The following KIF6 variants were observed in gnomAD, a reference collection of about 807,000 sequenced individuals.
The protein encoded by KIF6 is kinesin-like protein KIF6.
KIF6 carries 106 observed loss-of-function variants against 112.7 expected under a neutral mutation model. The observed-to-expected ratio is 0.94, with a 90% CI of 0.80 to 1.11. The LOEUF is 1.11. KIF6 is among the 50% of genes least tolerant of loss of function. The probability of loss-of-function intolerance (pLI) is 0.00; values close to 1 mark genes in which losing one functional copy is unlikely to be tolerated. For missense variants in KIF6, 929 were observed against 964.0 expected (o/e 0.96, Z 0.48); for synonymous variants, 339 against 339.9 (o/e 1.00, Z 0.03).
At chr6:39,715,311 A>G (rs1191698400) in intron 2 of KIF6, among the ~76,000 whole-genome samples, 1 of 152,142 alleles carries the variant, frequency 6.6e-6, no homozygotes. Context: ...TTTGTTGACC[A>G]TGAGTCAAAA....
At chr6:39,403,226 G>T (rs1394039519) in intron 15 of KIF6, among the ~76,000 whole-genome samples, 1 of 152,042 alleles carries the variant, frequency 6.6e-6, no homozygotes, top group Non-Finnish European at 1.5e-5. Context: ...GCATGTGTGT[G>T]CATCATGGGT....
At chr6:39,417,898 C>T (rs1268917109) in intron 15 of KIF6, among the ~76,000 whole-genome samples, 1 of 152,146 alleles carries the variant, frequency 6.6e-6, no homozygotes, top group East Asian at 1.9e-4. Context: ...TATAAAAGGT[C>T]TTCTCTCTTA....
chr6:39,585,745 G>T (rs1781591889), intron 8 of KIF6, among the ~76,000 whole-genome samples: 1 of 152,202 alleles, frequency 6.6e-6, no homozygotes, highest in Admixed American at 6.5e-5. Context: ...TCTTGGCCTT[G>T]TTTCCTCTTC....
intron 13 of KIF6, among the ~76,000 whole-genome samples, chr6:39,483,952 T>C (rs1774961901): frequency 6.6e-6 from 1 of 152,210 alleles, no homozygotes; most frequent in South Asian, 2.1e-4. Context: ...ATCAGCCATA[T>C]TCCATGCTCT....
At chr6:39,682,217 G>A (rs1787563004) in intron 3 of KIF6, among the ~76,000 whole-genome samples, 1 of 152,216 alleles carries the variant, frequency 6.6e-6, no homozygotes, top group Non-Finnish European at 1.5e-5. Flanking sequence ...TACATTCTGT[G>A]AAATCCTTCA....
chr6:39,383,000 C>CT (rs761287546), intron 16 of KIF6, among the ~76,000 whole-genome samples: 6 of 132,162 alleles, frequency 4.5e-5, no homozygotes, highest in Non-Finnish European at 9.5e-5. Context: ...TCTTTGCCCA[C>CT]TTTTTAATAG....
chr6:39,366,504 G>A lies in KIF6; in HGVS notation c.1862-3986C>T, dbSNP rs1268470380. Among the ~76,000 whole-genome samples the A allele has an allele frequency of 2.6e-5, 4 of 152,280 alleles. No individual in the cohort carries two copies. In the East Asian group the frequency reaches 7.7e-4, roughly 29 times the overall value. On this transcript the variant is annotated intron_variant, in intron 16 of 22. Transcript: ENST00000287152. ...GCTGGGGATCGGAAGGTGCTATGAG[G>A]AAAGACAAAGCTGGGTAAAAAGACA...
At chr6:39,454,345 A>C (rs1482112805) in intron 13 of KIF6, among the ~76,000 whole-genome samples, 5 of 152,164 alleles carry the variant, frequency 3.3e-5, no homozygotes, top group Non-Finnish European at 7.4e-5. Flanking sequence ...ACACATGTGT[A>C]ATAGGAAGCT....
chr6:39,574,398 G>A (rs554539756), intron 10 of KIF6, among the ~76,000 whole-genome samples: 1 of 152,134 alleles, frequency 6.6e-6, no homozygotes, highest in Non-Finnish European at 1.5e-5. Flanking sequence ...TTTGCATGTC[G>A]GCAGAATGCC....
At chr6:39,678,084 A>G (rs889446026) in intron 3 of KIF6, among the ~76,000 whole-genome samples, 1 of 151,642 alleles carries the variant, frequency 6.6e-6, no homozygotes, top group African/African-American at 2.4e-5. Context: ...GAGAAATGCA[A>G]ATCAAAACCA....
At chr6:39,571,855 A>G (rs1420321443) in intron 10 of KIF6, among the ~76,000 whole-genome samples, 1 of 152,088 alleles carries the variant, frequency 6.6e-6, no homozygotes, top group East Asian at 1.9e-4. Flanking sequence ...GTCTCCTGCT[A>G]TTCTCTACAC....
intron 5 of KIF6, among the ~76,000 whole-genome samples, chr6:39,629,094 T>C (rs1784232753): frequency 6.6e-6 from 1 of 152,180 alleles, no homozygotes; most frequent in Non-Finnish European, 1.5e-5. Flanking sequence ...TCTTGGTTCC[T>C]ACCAATTTTT....
At chr6:39,699,423 C>G (rs1788742940) in intron 3 of KIF6, among the ~76,000 whole-genome samples, 1 of 151,976 alleles carries the variant, frequency 6.6e-6, no homozygotes, top group Non-Finnish European at 1.5e-5. Flanking sequence ...AGGGCAAGAG[C>G]CTTTAAGGCT....
chr6:39,636,941 CTGTTA>C (rs1036329707), intron 4 of KIF6, among the ~76,000 whole-genome samples: 2 of 151,960 alleles, frequency 1.3e-5, no homozygotes, highest in Non-Finnish European at 2.9e-5. Context: ...ATCTTGCATT[CTGTTA>C]TAACAGAGAA....
At position 39,349,631 on chromosome 6, in the gene KIF6, C is replaced by CTTTTTT. The variant is rs58810898; in HGVS notation, c.2181-3111_2181-3106dup. The stretch of plus-strand genomic sequence containing the variant: ...GAAGGTCTAGGTTTAATTTGTGGCT[C>CTTTTTT]TTTTTTTTTTTTTTTTTTTTTTTTT... On this transcript the variant is annotated intron_variant, in intron 19 of 22. Coordinates refer to ENST00000287152, the MANE Select transcript of KIF6 (RefSeq NM_145027.6). Among the ~76,000 whole-genome samples the CTTTTTT allele has an allele frequency of 3.1e-4, 20 of 64,560 alleles. 1 individual carries two copies. The highest frequency in any genetic ancestry group is 4.5e-4 in the African/African-American group (7 of 15,496). 42.4% of individuals were successfully genotyped at this position (64,560 alleles called of 152,430 possible).
In KIF6 at chr6:39,663,176, C is replaced by T. The variant is rs116402285; in HGVS notation, c.252-23419G>A. 4.9e-3 allele frequency among the ~76,000 whole-genome samples: 751 copies of T among 152,244 alleles called. 6 individuals are homozygous for T. Among genetic ancestry groups the T allele is most frequent in the African/African-American group, 0.017 (697 of 41,532 alleles). On this transcript the variant is annotated intron_variant, in intron 3 of 22. Coordinates refer to ENST00000287152, the MANE Select transcript of KIF6 (RefSeq NM_145027.6). ...CCCAAAGTGTGCCTGGTGGAACTTG[C>T]TATCTTTCTGAAGATCAAATTAGAG...
intron 3 of KIF6, among the ~76,000 whole-genome samples, chr6:39,694,502 C>A (rs1788412373): frequency 6.6e-6 from 1 of 152,128 alleles, no homozygotes; most frequent in Non-Finnish European, 1.5e-5. Flanking sequence ...ACAAAAATCA[C>A]TATCATTTCT....
intron 5 of KIF6, among the ~76,000 whole-genome samples, chr6:39,615,151 A>G (rs962944961): frequency 6.6e-6 from 1 of 151,500 alleles, no homozygotes; most frequent in African/African-American, 2.4e-5. Context: ...CCAGTCTGGG[A>G]GACGGAGCGA....
intron 7 of KIF6, among the ~76,000 whole-genome samples, chr6:39,593,628 G>C (rs564231147): frequency 6.6e-6 from 1 of 152,128 alleles, no homozygotes; most frequent in African/African-American, 2.4e-5. Flanking sequence ...ATGAAACATC[G>C]GTTACAGAGA....
Sources: gnomAD v4.1 joint callset for allele counts (sites outside exome capture counted in the v4.1 genomes callset) on GRCh38, gnomAD v4.1.1 for gene constraint, MANE v1.5 for transcripts, NCBI Gene and HGNC (gene_info 2026-07-23, HGNC 2026-07-21) for gene names.